The following PI15 variants were observed in gnomAD, a reference collection of about 807,000 sequenced individuals.
The protein encoded by PI15 is peptidase inhibitor 15.
In PI15, 18 loss-of-function variants were observed where a neutral mutation model predicts 31.0. The observed-to-expected ratio is 0.58, with a 90% CI of 0.40 to 0.86. The LOEUF is 0.86. Among genes scored for constraint, PI15 ranks in the 40% least tolerant of loss-of-function variants. The pLI is 0.00. For missense variants in PI15, 282 were observed against 328.1 expected, an observed-to-expected ratio of 0.86 and a Z score of 1.09; for synonymous variants, 118 against 119.1, an observed-to-expected ratio of 0.99 and a Z score of 0.06.
intron 2 of PI15, among the ~76,000 whole-genome samples, chr8:74,837,747 G>C (rs1433470): frequency 2.0e-5 from 3 of 151,952 alleles, no homozygotes; most frequent in Non-Finnish European, 4.4e-5. Context: ...ACACATAAAC[G>C]TCCAAGAAAA....
chr8:74,847,479 A>T (rs942164395), intron 5 of PI15, among the ~76,000 whole-genome samples: 1 of 151,758 alleles, frequency 6.6e-6, no homozygotes, highest in African/African-American at 2.4e-5. Flanking sequence ...GGGAAATAAG[A>T]TTATGAATGG....
chr8:74,846,724 T>G (rs946932095), intron 5 of PI15, among the ~76,000 whole-genome samples: 3 of 152,150 alleles, frequency 2.0e-5, no homozygotes, highest in African/African-American at 7.2e-5. Context: ...TAGCTGAATA[T>G]AATTCTTCCA....
Position 74,854,374 on chromosome 8 carries a change from C to T in PI15, c.*5121C>T, listed in dbSNP as rs1811150937. 2.6e-5 allele frequency: 4 copies of T among 152,020 alleles called. No individual in the cohort carries two copies. Among genetic ancestry groups the T allele is most frequent in the Admixed American group, 2.0e-4 (3 of 15,254 alleles). The allele number at this position is 152,020 out of a possible 1,614,324, so 9.4% of individuals were successfully genotyped here. ...ATGAACTAAATCACATGCAAAACTCCAACCTGTAGTATACATAAAATGGAC... is the reference window on the plus strand; with the variant it reads ...ATGAACTAAATCACATGCAAAACTCTAACCTGTAGTATACATAAAATGGAC... On this transcript the variant is annotated 3_prime_UTR_variant, in exon 6 of 6. Transcript: ENST00000260113.
At chr8:74,844,994 G>T in intron 3 of PI15, 134 bp from the exon 4 acceptor site, 1 of 735,324 alleles carries the variant, frequency 1.4e-6, no homozygotes, top group Non-Finnish European at 2.3e-6. Context: ...TGGTGATGGT[G>T]ATTGTGAGGG....
intron 2 of PI15, among the ~76,000 whole-genome samples, chr8:74,839,649 G>C (rs1187718716): frequency 1.3e-5 from 2 of 152,062 alleles, no homozygotes; most frequent in South Asian, 2.1e-4. Context: ...TATTTAGAGG[G>C]AGAAGAACTA....
At chr8:74,833,012 G>A (rs1172091559) in intron 2 of PI15, among the ~76,000 whole-genome samples, 4 of 152,088 alleles carry the variant, frequency 2.6e-5, no homozygotes, top group African/African-American at 9.7e-5. Flanking sequence ...GCATTCCAGA[G>A]AGATCATGTT....
At chr8:74,834,529 C>G (rs73689274) in intron 2 of PI15, among the ~76,000 whole-genome samples, 43 of 152,286 alleles carry the variant, frequency 2.8e-4, no homozygotes, top group African/African-American at 8.4e-4. Context: ...CCAGATGATG[C>G]CAGCATAAGC....
rs1203180137 is a variant in PI15, at chr8:74,854,924, T to C, written c.*5671T>C. On this transcript the variant is annotated 3_prime_UTR_variant, in exon 6 of 6. Transcript: ENST00000260113. ...GTTGTGATATAGTATTGTCAGTGTG[T>C]ACATATATAAAACCTGTGTAAACCT... is the stretch of plus-strand genomic sequence containing the variant. 4 of 152,176 alleles carry C rather than the reference T, an allele frequency of 2.6e-5. No homozygotes were observed. The highest frequency in any genetic ancestry group is 6.6e-5 in the Admixed American group (1 of 15,264). The allele number at this position is 152,176 out of a possible 1,614,324, so 9.4% of individuals were successfully genotyped here.
chr8:74,832,495 T>C (rs989372739), intron 2 of PI15, among the ~76,000 whole-genome samples: 6 of 152,080 alleles, frequency 3.9e-5, no homozygotes, highest in African/African-American at 1.4e-4. Context: ...CCTGGGAATC[T>C]ACTCAACAAA....
chr8:74,841,979 C>T (rs1264923865), intron 2 of PI15, among the ~76,000 whole-genome samples: 2 of 152,008 alleles, frequency 1.3e-5, no homozygotes, highest in African/African-American at 4.8e-5. Flanking sequence ...GAAAGTAGGC[C>T]TCCTGAGGTA....
intron 5 of PI15, among the ~76,000 whole-genome samples, chr8:74,848,277 C>A (rs1811053032): frequency 6.6e-6 from 1 of 152,124 alleles, no homozygotes; most frequent in Non-Finnish European, 1.5e-5. Context: ...AGACATTACT[C>A]TCTTATGAGA....
chr8:74,838,157 T>C (rs1274987308), intron 2 of PI15, among the ~76,000 whole-genome samples: 1 of 152,028 alleles, frequency 6.6e-6, no homozygotes, highest in East Asian at 1.9e-4. Context: ...AAATAAGTTA[T>C]ATAATTCTAA....
At position 74,853,938 on chromosome 8, in the gene PI15, T is replaced by C. The variant is rs1332072058; in HGVS notation, c.*4685T>C. ...TTACAATTAATTAACAGAGGTATAA[T>C]TGTCTCACTTTCAGAAGTGATCATT... On this transcript the variant is annotated 3_prime_UTR_variant, in exon 6 of 6. Coordinates refer to ENST00000260113, the MANE Select transcript of PI15 (RefSeq NM_015886.5). 6.6e-6 allele frequency: 1 copy of C among 152,006 alleles called. No individual in the cohort carries two copies. The highest frequency in any genetic ancestry group is 1.9e-4 in the East Asian group (1 of 5,198). 9.4% of individuals were successfully genotyped at this position (152,006 alleles called of 1,614,324 possible). A position where few individuals can be genotyped will look rare whatever the true frequency, so the allele number is the denominator to read the frequency against.
rs937662038 is a variant in PI15 at position 74,849,450 on chromosome 8, T to G, written c.*197T>G. On this transcript the variant is annotated 3_prime_UTR_variant, in exon 6 of 6. Coordinates refer to ENST00000260113, the MANE Select transcript of PI15 (RefSeq NM_015886.5). The stretch of plus-strand genomic sequence containing the variant: ...GAAATATTTGAAACATCAATTTCTA[T>G]TTTCTGACCTCTAAGCCTAAATTAA... 6.5e-6 allele frequency: 3 copies of G among 464,320 alleles called. No individual in the cohort carries two copies. The highest frequency in any genetic ancestry group is 4.1e-5 in the African/African-American group (2 of 49,364). 28.8% of individuals were successfully genotyped at this position (464,320 alleles called of 1,614,324 possible).
At chr8:74,829,419 T>G (rs529815026) in intron 2 of PI15, among the ~76,000 whole-genome samples, 1 of 152,204 alleles carries the variant, frequency 6.6e-6, no homozygotes, top group South Asian at 2.1e-4. Context: ...TTATTCTTCC[T>G]GAGGGTAGCT....
At position 74,849,830 on chromosome 8, in the gene PI15, T is replaced by A. The variant is rs1811081178; in HGVS notation, c.*577T>A. The A allele has an allele frequency of 6.6e-6, 1 of 152,176 alleles. No individual in the cohort carries two copies. Among genetic ancestry groups the A allele is most frequent in the South Asian group, 2.1e-4 (1 of 4,832 alleles). The allele number at this position is 152,176 out of a possible 1,614,324, so 9.4% of individuals were successfully genotyped here. A position where few individuals can be genotyped will look rare whatever the true frequency, so the allele number is the denominator to read the frequency against. ...TGATATCTGGAAATAATAATTCAAT[T>A]AAGCAACCACGAATTTCACCCTGGA... On this transcript the variant is annotated 3_prime_UTR_variant, in exon 6 of 6. Coordinates refer to ENST00000260113, the MANE Select transcript of PI15 (RefSeq NM_015886.5).
chr8:74,833,755 G>A (rs1175904984), intron 2 of PI15, among the ~76,000 whole-genome samples: 1 of 152,310 alleles, frequency 6.6e-6, no homozygotes, highest in Non-Finnish European at 1.5e-5. Flanking sequence ...TTTGGAGAGC[G>A]TAAGTAACTT....
intron 2 of PI15, among the ~76,000 whole-genome samples, chr8:74,842,593 AC>A (rs1810960710): frequency 6.6e-6 from 1 of 152,084 alleles, no homozygotes; most frequent in South Asian, 2.1e-4. Flanking sequence ...GTATTTTTGT[AC>A]CTTATGACTT....
At chr8:74,831,718 G>T (rs555322264) in intron 2 of PI15, among the ~76,000 whole-genome samples, 3 of 151,870 alleles carry the variant, frequency 2.0e-5, no homozygotes, top group Non-Finnish European at 4.4e-5. Context: ...GATGTGGAGT[G>T]GGGGTAAGAA....
Sources: gnomAD v4.1 joint callset for allele counts (sites outside exome capture counted in the v4.1 genomes callset) on GRCh38, gnomAD v4.1.1 for gene constraint, MANE v1.5 for transcripts, NCBI Gene and HGNC (gene_info 2026-07-23, HGNC 2026-07-21) for gene names.